Variants in SPINK14 observed in about 807,000 individuals in gnomAD.
The protein encoded by SPINK14 is serine protease inhibitor Kazal-type 14.
In SPINK14, 6 loss-of-function variants were observed where a neutral mutation model predicts 14.2. That is an observed-to-expected ratio of 0.42 (90% confidence interval 0.23 to 0.83). The LOEUF is 0.83. Among genes scored for constraint, SPINK14 ranks in the 40% least tolerant of loss-of-function variants. The pLI is 0.28. For synonymous variants in SPINK14, 34 were observed against 36.8 expected (o/e 0.92, Z 0.27); for missense variants, 86 against 108.3 (o/e 0.79, Z 0.91).
intron 2 of SPINK14, among the ~76,000 whole-genome samples, chr5:148,170,053 CTA>C (rs1299092461): frequency 6.9e-6 from 1 of 145,472 alleles, no homozygotes. Context: ...CTCTCTGTCT[CTA>C]TATTTGTATA....
intron 2 of SPINK14, 26 bp downstream of exon 2, chr5:148,169,825 A>C: frequency 1.9e-6 from 3 of 1,593,548 alleles, no homozygotes; most frequent in Non-Finnish European, 2.6e-6. Context: ...GGTCTTGGCC[A>C]GCAGTTGAAA....
Position 148,175,466 on chromosome 5 carries a change from C to T in SPINK14, c.*68C>T, listed in dbSNP as rs10074328. ...CTCCATGTCTCCAATCTCCCTCTTG[C>T]GCTTTTTACATCTCCTTGCATTTGT... On this transcript the variant is annotated 3_prime_UTR_variant, in exon 5 of 5. Coordinates refer to ENST00000356972, the MANE Select transcript of SPINK14 (RefSeq NM_001001325.2). The T allele has an allele frequency of 0.56, 660,100 of 1,178,062 alleles. 186,913 individuals are homozygous for T. The highest frequency in any genetic ancestry group is 0.63 in the Middle Eastern group (3,255 of 5,150). 73.0% of individuals were successfully genotyped at this position (1,178,062 alleles called of 1,614,324 possible).
chr5:148,169,857 C>T, intron 2 of SPINK14, 58 bp downstream of exon 2: 2 of 1,399,968 alleles, frequency 1.4e-6, no homozygotes, highest in Non-Finnish European at 2.0e-6. Flanking sequence ...GCTTTTACAT[C>T]ATAATCTGAG....
rs951431480 is a variant in SPINK14 at position 148,168,902 on chromosome 5, A to C, written c.-73+335A>C. Among the ~76,000 whole-genome samples, 10 of 152,188 alleles carry C rather than the reference A, an allele frequency of 6.6e-5. No individual in the cohort carries two copies. The East Asian group carries it at 1.9e-3, about 29-fold the overall frequency. ...TTATCCATTGACATGTGTTGCAGACAGAGATAAAAGCCTAGAGAACATATG... is the reference window on the plus strand; with the variant it reads ...TTATCCATTGACATGTGTTGCAGACCGAGATAAAAGCCTAGAGAACATATG... On this transcript the variant is annotated intron_variant, in intron 1 of 4. Transcript: ENST00000356972.
At chr5:148,171,513 A>C (rs1437926410) in intron 3 of SPINK14, among the ~76,000 whole-genome samples, 5 of 152,102 alleles carry the variant, frequency 3.3e-5, no homozygotes, top group Non-Finnish European at 5.9e-5. Context: ...ATTTTCGTCT[A>C]CCTTAATGAG....
At chr5:148,170,197 TAC>T (rs1561720500) in intron 2 of SPINK14, among the ~76,000 whole-genome samples, 6 of 88,950 alleles carry the variant, frequency 6.7e-5, no homozygotes, top group African/African-American at 2.1e-4. Flanking sequence ...CACACACACA[TAC>T]ATATATATAT....
At chr5:148,171,130 C>T (rs971904646) in intron 3 of SPINK14, among the ~76,000 whole-genome samples, 157 bp downstream of exon 3, 1 of 152,022 alleles carries the variant, frequency 6.6e-6, no homozygotes, top group South Asian at 2.1e-4. Flanking sequence ...TGAAACAGTA[C>T]CCCAGAGTAG....
rs1003771430 is a variant in SPINK14 at position 148,175,418 on chromosome 5, G to A, written c.*20G>A. On this transcript the variant is annotated 3_prime_UTR_variant, in exon 5 of 5. Coordinates refer to ENST00000356972, the MANE Select transcript of SPINK14 (RefSeq NM_001001325.2). ...TGTTAGCTGAGTGGACTTGAATGTG[G>A]AAGATATCTTCTTTTTTTTTTCCTC... is the stretch of plus-strand genomic sequence containing the variant. The A allele has an allele frequency of 4.5e-6, 7 of 1,557,020 alleles. No homozygotes were observed. In the South Asian group the frequency reaches 8.0e-5, roughly 18 times the overall value.
intron 3 of SPINK14, 105 bp downstream of exon 3, chr5:148,171,078 A>G: frequency 9.6e-7 from 1 of 1,043,524 alleles, no homozygotes; most frequent in Non-Finnish European, 1.5e-6. Flanking sequence ...CACCCGTAAT[A>G]GTCTTCAAGG....
At chr5:148,175,310 A>G (rs772673693) in intron 4 of SPINK14, 43 bp from the exon 5 acceptor site, 1 of 1,251,184 alleles carries the variant, frequency 8.0e-7, no homozygotes, top group Non-Finnish European at 1.1e-6. Flanking sequence ...TAGTTCTGAC[A>G]TTGTATTACT....
rs779651763 is a variant in SPINK14, at chr5:148,170,955, A to G, written c.93A>G (p.Pro31=). Residue 31 remains proline (P), a synonymous_variant, in exon 3 of 5, where the codon CCA becomes CCG. Transcript: ENST00000356972. The stretch of plus-strand genomic sequence containing the variant: ...TTTCAGGCCCTAGACACTGGTGGCC[A>G]CCACGTGGAATTATTAAGGTAATGT... ...SSVSGPRHWW[P]PRGIIKVKCP... 1.4e-5 allele frequency: 22 copies of G among 1,610,434 alleles called. No homozygotes were observed. Among genetic ancestry groups the G allele is most frequent in the Non-Finnish European group, 1.8e-5 (21 of 1,177,248 alleles).
intron 4 of SPINK14, among the ~76,000 whole-genome samples, chr5:148,174,637 A>C (rs1755144927): frequency 2.3e-5 from 1 of 44,004 alleles, no homozygotes; most frequent in Non-Finnish European, 4.8e-5. Flanking sequence ...ATTGACTTCC[A>C]CTCGAGAAGC....
At chr5:148,172,828 A>C (rs933426608) in intron 3 of SPINK14, among the ~76,000 whole-genome samples, 3 of 152,130 alleles carry the variant, frequency 2.0e-5, no homozygotes, top group Non-Finnish European at 4.4e-5. Context: ...GGTGAGGGAA[A>C]GATAAAGAAT....
At position 148,170,167 on chromosome 5, in the gene SPINK14, T is replaced by TACAC. The variant is rs1377265238; in HGVS notation, c.67+369_67+370insCACA. Among the ~76,000 whole-genome samples, 760 of 99,210 alleles carry TACAC rather than the reference T, an allele frequency of 7.7e-3. 20 individuals carry two copies. In the East Asian group the frequency reaches 0.11, roughly 14 times the overall value. 65.1% of individuals were successfully genotyped at this position (99,210 alleles called of 152,430 possible). ...TATACACATACTCAGAGTATATATA[T>TACAC]ATATATACACACACACACACACACA... On this transcript the variant is annotated intron_variant, in intron 2 of 4. Transcript: ENST00000356972.
intron 3 of SPINK14, among the ~76,000 whole-genome samples, chr5:148,171,959 T>C (rs1054096644): frequency 1.3e-5 from 2 of 152,200 alleles, no homozygotes; most frequent in Admixed American, 1.3e-4. Flanking sequence ...TTACTTATTT[T>C]CTTTAAAAAA....
chr5:148,174,166 A>C (rs1247926789), intron 3 of SPINK14, 68 bp from the exon 4 acceptor site: 1 of 916,708 alleles, frequency 1.1e-6, no homozygotes, highest in Admixed American at 2.1e-5. Flanking sequence ...TTTCCTAATA[A>C]AGTTCAAAGG....
chr5:148,174,408 A>G (rs1755142924), intron 4 of SPINK14, 38 bp downstream of exon 4: 1 of 1,055,730 alleles, frequency 9.5e-7, no homozygotes, highest in Non-Finnish European at 1.3e-6. Flanking sequence ...AACTGTAAGT[A>G]TGGTTATCCA....
chr5:148,171,829 AG>A (rs1755109178), intron 3 of SPINK14, among the ~76,000 whole-genome samples: 1 of 152,156 alleles, frequency 6.6e-6, no homozygotes, highest in East Asian at 1.9e-4. Flanking sequence ...GAATTTGTCC[AG>A]GATTTATACC....
intron 3 of SPINK14, among the ~76,000 whole-genome samples, chr5:148,173,375 G>T (rs1006121954): frequency 6.6e-6 from 1 of 152,024 alleles, no homozygotes; most frequent in Non-Finnish European, 1.5e-5. Context: ...CTGAGTCCGG[G>T]TCCCTGAGGA....
Sources: gnomAD v4.1 joint callset for allele counts (sites outside exome capture counted in the v4.1 genomes callset) on GRCh38, gnomAD v4.1.1 for gene constraint, MANE v1.5 for transcripts, NCBI Gene and HGNC (gene_info 2026-07-23, HGNC 2026-07-21) for gene names.